FANCL: variants seen among roughly 807,000 people sequenced by gnomAD.
FANCL encodes the protein FA complementation group L.
In FANCL, 69 loss-of-function variants were observed where a neutral mutation model predicts 59.4. The observed-to-expected ratio is 1.16, with a 90% confidence interval of 0.96 to 1.42. The LOEUF (loss-of-function observed/expected upper bound fraction) is 1.42. FANCL is among the 40% of genes most tolerant of loss of function. FANCL has a pLI of 0.00. For synonymous variants in FANCL, 180 were observed against 147.1 expected (o/e 1.22, Z -1.62); for missense variants, 519 against 447.2 (o/e 1.16, Z -1.45).
chr2:58,166,888 G>A (rs960830345), intron 7 of FANCL, among the ~76,000 whole-genome samples: 1 of 152,190 alleles, frequency 6.6e-6, no homozygotes, highest in African/African-American at 2.4e-5. Flanking sequence ...CACTGTGCTG[G>A]ATTCAACTGT....
chr2:58,214,291 C>T (rs1558802491), intron 5 of FANCL, among the ~76,000 whole-genome samples: 1 of 152,154 alleles, frequency 6.6e-6, no homozygotes, highest in Non-Finnish European at 1.5e-5. Context: ...TTTTCTCCTA[C>T]ATTAGAACAA....
At chr2:58,203,380 G>C (rs1321283289) in intron 6 of FANCL, among the ~76,000 whole-genome samples, 2 of 151,590 alleles carry the variant, frequency 1.3e-5, no homozygotes, top group Non-Finnish European at 3.0e-5. Context: ...TTCTGAAAAA[G>C]AGTTGATTGA....
rs533796780 is a variant in FANCL at position 58,170,706 on chromosome 2, A to G, written c.541-4832T>C. Among the ~76,000 whole-genome samples, 73 of 152,210 alleles carry G rather than the reference A, an allele frequency of 4.8e-4. No homozygotes were observed. The Middle Eastern group carries it at 0.01, about 21-fold the overall frequency. On this transcript the variant is annotated intron_variant, in intron 7 of 13. Transcript: ENST00000233741. ...AGCAAATGGAAAGCAAAAAAAAAAA[A>G]AAGCATGGTTTGCAATACCAGTATC...
At chr2:58,172,072 A>T (rs1487694429) in intron 7 of FANCL, among the ~76,000 whole-genome samples, 1 of 152,236 alleles carries the variant, frequency 6.6e-6, no homozygotes, top group Non-Finnish European at 1.5e-5. Flanking sequence ...TGCCCAGGCT[A>T]GCTTAGGAAA....
chr2:58,200,441 G>A (rs1689882511), intron 6 of FANCL, among the ~76,000 whole-genome samples: 1 of 151,910 alleles, frequency 6.6e-6, no homozygotes, highest in Non-Finnish European at 1.5e-5. Flanking sequence ...AAAATAATGT[G>A]CACTTGAAAC....
At chr2:58,211,051 C>T (rs767254287) in intron 5 of FANCL, among the ~76,000 whole-genome samples, 1 of 152,228 alleles carries the variant, frequency 6.6e-6, no homozygotes, top group Non-Finnish European at 1.5e-5. Flanking sequence ...CACAGCTACA[C>T]TAGGCGGTGC....
chr2:58,212,957 T>C (rs1391791210), intron 5 of FANCL, among the ~76,000 whole-genome samples: 1 of 152,254 alleles, frequency 6.6e-6, no homozygotes, highest in Non-Finnish European at 1.5e-5. Context: ...TTTTAAATAT[T>C]TCTTTTTCTT....
intron 7 of FANCL, among the ~76,000 whole-genome samples, chr2:58,190,007 T>C (rs1054797381): frequency 1.3e-5 from 2 of 152,054 alleles, no homozygotes; most frequent in African/African-American, 4.8e-5. Context: ...TTTTAAGAAA[T>C]TTAATTTTAG....
At chr2:58,162,831 AC>A in intron 11 of FANCL, 34 bp downstream of exon 11, 1 of 1,553,670 alleles carries the variant, frequency 6.4e-7, no homozygotes, top group East Asian at 2.2e-5. Flanking sequence ...ATTATGCAAT[AC>A]TGTCTGGAAT....
Position 58,199,283 on chromosome 2 carries a change from C to A in FANCL, c.472-621G>T, listed in dbSNP as rs528977744. 2.6e-5 allele frequency among the ~76,000 whole-genome samples: 4 copies of A among 152,132 alleles called. No homozygotes were observed. The South Asian group carries it at 8.3e-4, about 32-fold the overall frequency. On this transcript the variant is annotated intron_variant, in intron 6 of 13. Coordinates refer to ENST00000233741, the MANE Select transcript of FANCL (RefSeq NM_018062.4). ...ATTTGAGGAATGAACCAAACTGGATCTCTGTTTATCTTTAAAATAAGAGAT... is the reference window on the plus strand; with the variant it reads ...ATTTGAGGAATGAACCAAACTGGATATCTGTTTATCTTTAAAATAAGAGAT...
chr2:58,189,919 A>G lies in FANCL; in HGVS notation c.540+8675T>C, dbSNP rs959331876. ...TATAATACTTGCAGATAAATCCCCTAATAATCCTTTTTTTTTCTTTATCTT... is the reference window on the plus strand; with the variant it reads ...TATAATACTTGCAGATAAATCCCCTGATAATCCTTTTTTTTTCTTTATCTT... On this transcript the variant is annotated intron_variant, in intron 7 of 13. Coordinates refer to ENST00000233741, the MANE Select transcript of FANCL (RefSeq NM_018062.4). Among the ~76,000 whole-genome samples, 10 of 152,144 alleles carry G rather than the reference A, an allele frequency of 6.6e-5. No individual in the cohort carries two copies. The East Asian group carries it at 1.9e-3, about 29-fold the overall frequency.
At chr2:58,229,978 T>C in intron 2 of FANCL, 104 bp from the exon 3 acceptor site, 1 of 818,244 alleles carries the variant, frequency 1.2e-6, no homozygotes. Flanking sequence ...ATGACAAACA[T>C]AATTTGGACA....
chr2:58,168,208 A>G (rs1686154832), intron 7 of FANCL, among the ~76,000 whole-genome samples: 1 of 152,198 alleles, frequency 6.6e-6, no homozygotes, highest in Non-Finnish European at 1.5e-5. Context: ...CAGCGAGATC[A>G]AGGCAGAAGG....
chr2:58,200,616 A>G (rs1325899946), intron 6 of FANCL, among the ~76,000 whole-genome samples: 2 of 152,018 alleles, frequency 1.3e-5, no homozygotes. Flanking sequence ...CACAAAGTAA[A>G]GTATCTGTGG....
At chr2:58,209,626 C>A (rs1316759486) in intron 5 of FANCL, among the ~76,000 whole-genome samples, 2 of 152,098 alleles carry the variant, frequency 1.3e-5, no homozygotes, top group South Asian at 2.1e-4. Flanking sequence ...ACTTGATACA[C>A]CTACTTTACA....
chr2:58,202,594 T>C (rs752703285), intron 6 of FANCL, among the ~76,000 whole-genome samples: 40 of 151,948 alleles, frequency 2.6e-4, no homozygotes, highest in Non-Finnish European at 4.9e-4. Flanking sequence ...CAAGAATATC[T>C]ATAAAAGTGC....
intron 7 of FANCL, among the ~76,000 whole-genome samples, chr2:58,182,242 A>G (rs1051564506): frequency 7.9e-5 from 12 of 151,870 alleles, no homozygotes; most frequent in African/African-American, 2.9e-4. Context: ...ATTAATATAC[A>G]AATTCTATTC....
At chr2:58,226,366 C>T (rs958527800) in intron 4 of FANCL, among the ~76,000 whole-genome samples, 2 of 152,114 alleles carry the variant, frequency 1.3e-5, no homozygotes, top group Non-Finnish European at 2.9e-5. Context: ...ATATCTGTAG[C>T]TATACACAAA....
At chr2:58,227,040 C>G (rs1345794090) in intron 3 of FANCL, among the ~76,000 whole-genome samples, 1 of 152,206 alleles carries the variant, frequency 6.6e-6, no homozygotes, top group African/African-American at 2.4e-5. Context: ...AAACCTCACA[C>G]TACTCTGTTT....
Sources: gnomAD v4.1 joint callset for allele counts (sites outside exome capture counted in the v4.1 genomes callset) on GRCh38, gnomAD v4.1.1 for gene constraint, MANE v1.5 for transcripts, NCBI Gene and HGNC (gene_info 2026-07-23, HGNC 2026-07-21) for gene names.